NBEAL1: variants seen among roughly 807,000 people sequenced by gnomAD.
NBEAL1 encodes the protein neurobeachin like 1.
A neutral mutation model predicts 351.3 loss-of-function variants in NBEAL1; 273 were observed. The observed-to-expected ratio is 0.78, with a 90% CI of 0.70 to 0.86. NBEAL1 has a LOEUF of 0.86. Ranked by LOEUF, NBEAL1 falls within the 40% of genes least tolerant of loss-of-function variation. The pLI, the probability that NBEAL1 is intolerant of heterozygous loss-of-function variation, is 0.00. For missense variants in NBEAL1, 2,961 were observed against 3,201.3 expected, an observed-to-expected ratio of 0.92 and a Z score of 1.81; for synonymous variants, 1,050 against 1,086.4, an observed-to-expected ratio of 0.97 and a Z score of 0.66.
intron 10 of NBEAL1, chr2:203,084,909 G>A (rs1479280717): frequency 6.0e-6 from 1 of 166,974 alleles, no homozygotes; most frequent in Admixed American, 6.4e-5. Flanking sequence ...ACTAAGATGA[G>A]TCTTTGAAAA....
chr2:203,056,802 A>G (rs1336580745), intron 5 of NBEAL1, among the ~76,000 whole-genome samples: 3 of 152,224 alleles, frequency 2.0e-5, no homozygotes, highest in African/African-American at 7.2e-5. Context: ...TCCTGACCTC[A>G]GGTGGTCTGC....
chr2:203,078,245 T>G (rs1007006047), intron 8 of NBEAL1, among the ~76,000 whole-genome samples: 2 of 151,318 alleles, frequency 1.3e-5, no homozygotes, highest in African/African-American at 4.9e-5. Context: ...AGTGTATATG[T>G]TTTTTTTTCA....
At chr2:203,130,269 T>G (rs919698889) in intron 24 of NBEAL1, 49 bp from the exon 25 acceptor site, 2 of 1,457,442 alleles carry the variant, frequency 1.4e-6, no homozygotes, top group Non-Finnish European at 1.8e-6. Flanking sequence ...TTATTTGTGC[T>G]TGTATATATG....
chr2:203,083,409 G>C lies in NBEAL1; in HGVS notation c.875G>C (p.Ser292Thr). ...SNSDQRQVET[S>T]TILENYFKLL... ...TCTGATCAGCGTCAAGTGGAAACCA[G>C]TACTATTCTGGAGAACTATTTTAAA... Residue 292 changes from serine to threonine, a missense_variant, in exon 9 of 56, where the codon AGT becomes ACT. Transcript: ENST00000683969. 1.3e-6 allele frequency: 2 copies of C among 1,554,908 alleles called. No homozygotes were observed. The highest frequency in any genetic ancestry group is 2.4e-5 in the South Asian group (2 of 84,352).
At chr2:203,131,765 G>A (rs1010141130) in intron 25 of NBEAL1, among the ~76,000 whole-genome samples, 6 of 152,048 alleles carry the variant, frequency 3.9e-5, no homozygotes, top group Non-Finnish European at 8.8e-5. Context: ...ACAAAGTATA[G>A]CCATGTTTTA....
intron 24 of NBEAL1, 51 bp downstream of exon 24, chr2:203,127,988 A>G: frequency 7.4e-7 from 1 of 1,345,124 alleles, no homozygotes; most frequent in Non-Finnish European, 1.0e-6. Context: ...TTGAGTTGCT[A>G]CATCATCTTC....
At chr2:203,198,229 T>C (rs2065293073) in intron 48 of NBEAL1, among the ~76,000 whole-genome samples, 1 of 151,758 alleles carries the variant, frequency 6.6e-6, no homozygotes. Flanking sequence ...CCCAGGTTGG[T>C]CTCAAACTCC....
intron 36 of NBEAL1, among the ~76,000 whole-genome samples, chr2:203,161,548 C>G (rs1044667881): frequency 1.3e-5 from 2 of 150,946 alleles, no homozygotes; most frequent in Non-Finnish European, 2.9e-5. Flanking sequence ...AGAATTGCTC[C>G]AACTCAGGAG....
chr2:203,088,800 A>T (rs576221809), intron 10 of NBEAL1, among the ~76,000 whole-genome samples: 1 of 152,376 alleles, frequency 6.6e-6, no homozygotes, highest in African/African-American at 2.4e-5. Flanking sequence ...AGTATTTGAC[A>T]TGAATCACAT....
At position 203,189,453 on chromosome 2, in the gene NBEAL1, A is replaced by G. The variant is rs557424998; in HGVS notation, c.6824-839A>G. ...CAGGCTAGAGTGCAGTGGCATAATC[A>G]TAGTTGAGTGCAACCTGGAACTCCT... On this transcript the variant is annotated intron_variant, in intron 45 of 55. Transcript: ENST00000683969. Among the ~76,000 whole-genome samples, 4 of 152,220 alleles carry G rather than the reference A, an allele frequency of 2.6e-5. No individual in the cohort carries two copies. The South Asian group carries it at 8.3e-4, about 32-fold the overall frequency.
In NBEAL1 at chr2:203,125,990, C is replaced by T. The variant is rs772612275; in HGVS notation, c.2882C>T (p.Thr961Ile). 1.4e-5 allele frequency: 21 copies of T among 1,540,818 alleles called. No homozygotes were observed. Among genetic ancestry groups the T allele is most frequent in the Non-Finnish European group, 1.7e-5 (19 of 1,142,726 alleles). Residue 961 changes from threonine to isoleucine, a missense_variant, in exon 21 of 56, where the codon ACA becomes ATA. Physicochemically the swap from Thr to Ile is moderately conservative, Grantham distance 89. Transcript: ENST00000683969. ...AGACTAGAGAGAAACCTAGTTGCAACATTTATCTTAATTGTGAAACATTTT... is the reference window on the plus strand; with the variant it reads ...AGACTAGAGAGAAACCTAGTTGCAATATTTATCTTAATTGTGAAACATTTT... ...ESRLERNLVA[T>I]FILIVKHFIQ...
At chr2:203,207,638 T>C (rs2065646439) in intron 51 of NBEAL1, among the ~76,000 whole-genome samples, 1 of 152,188 alleles carries the variant, frequency 6.6e-6, no homozygotes, top group African/African-American at 2.4e-5. Context: ...CTCTGAAACA[T>C]GCGCTGTGTC....
intron 33 of NBEAL1, among the ~76,000 whole-genome samples, chr2:203,146,629 C>CA (rs916946180): frequency 6.6e-6 from 1 of 151,930 alleles, no homozygotes; most frequent in Non-Finnish European, 1.5e-5. Flanking sequence ...TCCATCTCTA[C>CA]AAAAAAATTA....
chr2:203,175,408 C>A, intron 42 of NBEAL1, 121 bp downstream of exon 42: 2 of 1,002,510 alleles, frequency 2.0e-6, no homozygotes, highest in Non-Finnish European at 2.9e-6. Context: ...TTTTGATCAG[C>A]TAAAAATAAA....
rs80108875 is a variant in NBEAL1, at chr2:203,057,759, A to T, written c.515+306A>T. ...TATTTTTCAAGAAAAGTTATTTTTT[A>T]AAAAACATACTTTATAATTCGAAAA... is the stretch of plus-strand genomic sequence containing the variant. On this transcript the variant is annotated intron_variant, in intron 6 of 55. Coordinates refer to ENST00000683969, the MANE Select transcript of NBEAL1 (RefSeq NM_001378026.1). 3.9e-5 allele frequency among the ~76,000 whole-genome samples: 5 copies of T among 128,418 alleles called. No homozygotes were observed. The South Asian group carries it at 1.0e-3, about 27-fold the overall frequency. 84.2% of individuals were successfully genotyped at this position (128,418 alleles called of 152,430 possible).
chr2:203,210,435 G>A (rs1195003478), intron 53 of NBEAL1, among the ~76,000 whole-genome samples: 1 of 151,780 alleles, frequency 6.6e-6, no homozygotes, highest in Non-Finnish European at 1.5e-5. Flanking sequence ...GCCGAGGTGG[G>A]CGGATCACAA....
At chr2:203,136,838 T>C (rs529606427) in intron 29 of NBEAL1, 64 bp downstream of exon 29, 3 of 1,339,340 alleles carry the variant, frequency 2.2e-6, no homozygotes, top group African/African-American at 1.5e-5. Flanking sequence ...AAAATAACGT[T>C]AGTTATTGAA....
At chr2:203,020,856 T>A (rs367599637) in intron 2 of NBEAL1, among the ~76,000 whole-genome samples, 1 of 152,116 alleles carries the variant, frequency 6.6e-6, no homozygotes, top group African/African-American at 2.4e-5. Flanking sequence ...GTTAACTACT[T>A]CTTGTCTGAG....
chr2:203,028,031 G>A (rs993135944), intron 2 of NBEAL1, among the ~76,000 whole-genome samples: 1 of 151,996 alleles, frequency 6.6e-6, no homozygotes, highest in Non-Finnish European at 1.5e-5. Context: ...CTACAGGCAC[G>A]TGCCACCACG....
Sources: gnomAD v4.1 joint callset for allele counts (sites outside exome capture counted in the v4.1 genomes callset) on GRCh38, gnomAD v4.1.1 for gene constraint, MANE v1.5 for transcripts, NCBI Gene and HGNC (gene_info 2026-07-23, HGNC 2026-07-21) for gene names.